Variants in KIRREL3 observed in about 807,000 individuals in gnomAD.
KIRREL3 encodes kin of IRRE-like protein 3.
In KIRREL3, 36 loss-of-function variants were observed where a neutral mutation model predicts 89.7. The observed-to-expected ratio is 0.40, with a 90% CI of 0.31 to 0.53. KIRREL3 has a LOEUF of 0.53. Ranked by LOEUF, KIRREL3 falls within the 20% of genes least tolerant of loss-of-function variation. The pLI, the probability that KIRREL3 is intolerant of heterozygous loss-of-function variation, is 0.49. For synonymous variants in KIRREL3, 445 were observed against 441.4 expected, an observed-to-expected ratio of 1.01 and a Z score of -0.10; for missense variants, 864 against 1,056.6, an observed-to-expected ratio of 0.82 and a Z score of 2.53.
rs571848797 is a variant in KIRREL3 at position 126,890,591 on chromosome 11, T to A, written c.55+109864A>T. 1.3e-5 allele frequency among the ~76,000 whole-genome samples: 2 copies of A among 152,378 alleles called. No homozygotes were observed. Among genetic ancestry groups the A allele is most frequent in the South Asian group, 4.1e-4 (2 of 4,828 alleles). On this transcript the variant is annotated intron_variant, in intron 1 of 16. Coordinates refer to ENST00000525144, the MANE Select transcript of KIRREL3 (RefSeq NM_032531.4). This position sits in a 1 kb window ranked among gnomAD's most constrained non-coding sequence, Gnocchi z 5.1. ...GGACAGAAGGCACCTGGAGGGGTGC[T>A]GTGGGAGTCCCGTGGCTGCACATCC...
intron 1 of KIRREL3, chr11:126,934,938 A>C (rs1325369872): frequency 6.6e-6 from 1 of 152,022 alleles, no homozygotes; most frequent in Non-Finnish European, 1.5e-5. Context: ...GGGTGCCTGT[A>C]GTCCCAGCTA....
rs185809440 is a variant in KIRREL3, at chr11:126,428,791, C to T, written c.1806+388G>A. Among the ~76,000 whole-genome samples the T allele has an allele frequency of 9.9e-5, 15 of 152,244 alleles. No homozygotes were observed. The highest frequency in any genetic ancestry group is 1.4e-4 in the African/African-American group (6 of 41,550). The stretch of plus-strand genomic sequence containing the variant: ...CTTCCCAAGTAGCTGGGATTACAGG[C>T]GCCCGCCACCACGCCCAGCTAATTT... On this transcript the variant is annotated intron_variant, in intron 15 of 16. Coordinates refer to ENST00000525144, the MANE Select transcript of KIRREL3 (RefSeq NM_032531.4). This position sits in a 1 kb window ranked among gnomAD's most constrained non-coding sequence, Gnocchi z 6.4.
chr11:126,479,452 C>T (rs1173991082), intron 4 of KIRREL3, among the ~76,000 whole-genome samples: 2 of 152,376 alleles, frequency 1.3e-5, no homozygotes, highest in African/African-American at 4.8e-5. Context: ...GTGCCCAAGA[C>T]GGACATGTGT....
rs1429417306 is a variant in KIRREL3 at position 126,532,973 on chromosome 11, A to G, written c.134-6286T>C. On this transcript the variant is annotated intron_variant, in intron 2 of 16. Coordinates refer to ENST00000525144, the MANE Select transcript of KIRREL3 (RefSeq NM_032531.4). ...AAAATTAGTAATTGCTAACTTTTCTATTTTTTAACTTTTTGTAGGGACAGG... is the reference window on the plus strand; with the variant it reads ...AAAATTAGTAATTGCTAACTTTTCTGTTTTTTAACTTTTTGTAGGGACAGG... 2.6e-5 allele frequency among the ~76,000 whole-genome samples: 4 copies of G among 152,006 alleles called. No homozygotes were observed. The East Asian group carries it at 7.7e-4, about 29-fold the overall frequency.
At chr11:126,922,425 G>A (rs1369364430) in intron 1 of KIRREL3, among the ~76,000 whole-genome samples, 3 of 151,992 alleles carry the variant, frequency 2.0e-5, no homozygotes, top group South Asian at 2.1e-4. Flanking sequence ...AACAGAAGCC[G>A]ACAGATAAGT....
intron 1 of KIRREL3, among the ~76,000 whole-genome samples, chr11:126,657,655 C>A (rs76689720): frequency 6.6e-6 from 1 of 152,020 alleles, no homozygotes; most frequent in East Asian, 1.9e-4. Context: ...AGAGACAGTC[C>A]GTCCCCAGCC....
chr11:126,947,946 G>A (rs1243545236), intron 1 of KIRREL3, among the ~76,000 whole-genome samples: 1 of 152,194 alleles, frequency 6.6e-6, no homozygotes, highest in African/African-American at 2.4e-5. Context: ...CTGGAACTGT[G>A]AAGCTACTTG....
intron 1 of KIRREL3, among the ~76,000 whole-genome samples, chr11:126,958,448 C>A (rs112628307): frequency 3.3e-3 from 498 of 152,298 alleles, no homozygotes; most frequent in African/African-American, 0.011. Context: ...TAACAGAGAC[C>A]CACATTCAAG....
intron 1 of KIRREL3, among the ~76,000 whole-genome samples, chr11:126,779,312 C>T (rs946018031): frequency 6.6e-6 from 1 of 152,196 alleles, no homozygotes; most frequent in East Asian, 1.9e-4. Flanking sequence ...CATGCTCTCC[C>T]AGTGGGCCAC....
intron 1 of KIRREL3, among the ~76,000 whole-genome samples, chr11:126,910,638 A>C (rs1163432362): frequency 2.0e-5 from 3 of 152,224 alleles, no homozygotes; most frequent in African/African-American, 7.2e-5. Context: ...CATATGGATG[A>C]GGAAATCGGG....
In KIRREL3 at chr11:126,579,447, T is replaced by C. The variant is rs1029329412; in HGVS notation, c.56-16535A>G. On this transcript the variant is annotated intron_variant, in intron 1 of 16. Coordinates refer to ENST00000525144, the MANE Select transcript of KIRREL3 (RefSeq NM_032531.4). The surrounding 1 kb of genome is among the most constrained non-coding windows in gnomAD (Gnocchi z 5.3). ...CTTATTAGATTTCTACTGTGCCTTTTCTCTGCAGAGTGCTCAGTGTCCCCA... is the reference window on the plus strand; with the variant it reads ...CTTATTAGATTTCTACTGTGCCTTTCCTCTGCAGAGTGCTCAGTGTCCCCA... Among the ~76,000 whole-genome samples, 1 of 152,186 alleles carries C rather than the reference T, an allele frequency of 6.6e-6. No individual in the cohort carries two copies. Among genetic ancestry groups the C allele is most frequent in the African/African-American group, 2.4e-5 (1 of 41,432 alleles).
chr11:126,890,658 A>G lies in KIRREL3; in HGVS notation c.55+109797T>C, dbSNP rs1945880109. Reference sequence around the variant, plus strand: ...TTTCGATGGCCAAGCAGCTTCTATCAGCTTTTCTCTTTCTTTACAGGCCCT... The same window carrying G: ...TTTCGATGGCCAAGCAGCTTCTATCGGCTTTTCTCTTTCTTTACAGGCCCT... On this transcript the variant is annotated intron_variant, in intron 1 of 16. Coordinates refer to ENST00000525144, the MANE Select transcript of KIRREL3 (RefSeq NM_032531.4). The surrounding 1 kb of genome is among the most constrained non-coding windows in gnomAD (Gnocchi z 5.1). Among the ~76,000 whole-genome samples, 1 of 152,166 alleles carries G rather than the reference A, an allele frequency of 6.6e-6. No homozygotes were observed. Among genetic ancestry groups the G allele is most frequent in the Non-Finnish European group, 1.5e-5 (1 of 68,034 alleles).
chr11:126,820,714 G>T (rs1240579653), intron 1 of KIRREL3, among the ~76,000 whole-genome samples: 1 of 152,058 alleles, frequency 6.6e-6, no homozygotes, highest in Admixed American at 6.6e-5. Flanking sequence ...GTCTCAGCGG[G>T]CACAGCAGCA....
chr11:126,433,499 G>A (rs941110544), intron 13 of KIRREL3, among the ~76,000 whole-genome samples: 3 of 152,142 alleles, frequency 2.0e-5, no homozygotes, highest in South Asian at 2.1e-4. Flanking sequence ...ACTTGCACAC[G>A]AAGCCATTGG....
At chr11:126,552,751 C>T (rs1173746799) in intron 2 of KIRREL3, among the ~76,000 whole-genome samples, 9 of 151,478 alleles carry the variant, frequency 5.9e-5, no homozygotes, top group African/African-American at 1.7e-4. Context: ...TTAGTAGAGA[C>T]GGGGTTTCGC....
intron 1 of KIRREL3, among the ~76,000 whole-genome samples, chr11:126,853,356 C>A (rs1038301201): frequency 6.6e-6 from 1 of 152,178 alleles, no homozygotes; most frequent in Non-Finnish European, 1.5e-5. Flanking sequence ...ATGGAGTTAT[C>A]TTGTGGCCAT....
chr11:126,509,442 T>C (rs975870103), intron 4 of KIRREL3, among the ~76,000 whole-genome samples: 4 of 152,208 alleles, frequency 2.6e-5, no homozygotes, highest in Admixed American at 6.5e-5. Context: ...CTGTCCAAAC[T>C]CTGAGACATT....
At chr11:126,738,465 A>G (rs2134212637) in intron 1 of KIRREL3, among the ~76,000 whole-genome samples, 1 of 152,298 alleles carries the variant, frequency 6.6e-6, no homozygotes, top group Middle Eastern at 3.4e-3. Context: ...TGCCAAAGGC[A>G]GGACTGTATG....
At position 126,424,326 on chromosome 11, in the gene KIRREL3, T is replaced by C. The variant is rs1325329842; in HGVS notation, c.*254A>G. 8 of 559,182 alleles carry C rather than the reference T, an allele frequency of 1.4e-5. No homozygotes were observed. Among genetic ancestry groups the C allele is most frequent in the Non-Finnish European group, 2.6e-5 (8 of 312,232 alleles). 34.6% of individuals were successfully genotyped at this position (559,182 alleles called of 1,614,324 possible). A position where few individuals can be genotyped will look rare whatever the true frequency, so the allele number is the denominator to read the frequency against. On this transcript the variant is annotated 3_prime_UTR_variant, in exon 17 of 17. Coordinates refer to ENST00000525144, the MANE Select transcript of KIRREL3 (RefSeq NM_032531.4). ...CAGGAAAGGGCCGGGGACACGGGTG[T>C]CCAGCACTAAGCACAGCGCACTCAG...
Sources: allele counts gnomAD v4.1 joint callset (sites outside exome capture counted in the v4.1 genomes callset), GRCh38; gene constraint gnomAD v4.1.1; non-coding constraint Gnocchi (gnomAD v3.1); transcripts MANE v1.5; gene names NCBI Gene and HGNC (gene_info 2026-07-23, HGNC 2026-07-21).